COL3A1: variants seen among roughly 807,000 people sequenced by gnomAD.
COL3A1 encodes the protein collagen type III alpha 1 chain.
In COL3A1, 46 loss-of-function variants were observed where a neutral mutation model predicts 200.9. The observed-to-expected ratio is 0.23, with a 90% confidence interval of 0.18 to 0.29. The LOEUF is 0.29. COL3A1 is among the 10% of genes least tolerant of loss of function. COL3A1 has a pLI of 1.00. For missense variants in COL3A1, 1,367 were observed against 1,917.6 expected (o/e 0.71, Z 5.36); for synonymous variants, 650 against 628.0 (o/e 1.03, Z -0.52).
intron 37 of COL3A1, 120 bp downstream of exon 37, chr2:189,003,584 TACA>T: frequency 7.5e-7 from 1 of 1,328,656 alleles, no homozygotes. Flanking sequence ...CGCTCATTCA[TACA>T]TGAGTTATAT....
rs760576512 is a variant in COL3A1, at chr2:188,998,736, T to C, written c.2022+18T>C. 6.2e-7 allele frequency: 1 copy of C among 1,611,272 alleles called. No homozygotes were observed. Among genetic ancestry groups the C allele is most frequent in the African/African-American group, 1.3e-5 (1 of 74,882 alleles). On this transcript the variant is annotated intron_variant, in intron 29 of 50. Coordinates refer to ENST00000304636, the MANE Select transcript of COL3A1 (RefSeq NM_000090.4). ...GAGGCAAGGTAGTATTTCAATTTAT[T>C]CTCTACCTTCTTCAGCAGGTTATAG... is the stretch of plus-strand genomic sequence containing the variant.
intron 1 of COL3A1, among the ~76,000 whole-genome samples, chr2:188,975,917 C>G (rs1478332909): frequency 6.6e-6 from 1 of 151,796 alleles, no homozygotes; most frequent in Non-Finnish European, 1.5e-5. Flanking sequence ...CTACTCCTCT[C>G]TCCTCCTCTG....
Position 188,997,317 on chromosome 2 carries a change from T to C in COL3A1, c.1816-19T>C, listed in dbSNP as rs114299724. 9.9e-3 allele frequency: 16,041 copies of C among 1,613,650 alleles called. 115 individuals are homozygous for C. Among genetic ancestry groups the C allele is most frequent in the Non-Finnish European group, 0.012 (13,727 of 1,179,652 alleles). On this transcript the variant is annotated intron_variant, in intron 25 of 50. Transcript: ENST00000304636. ...GTAATCTGTATTATTTCTACTTCCCTAACTGTTCTTGTTTTTAGGGTCCTC... is the reference window on the plus strand; with the variant it reads ...GTAATCTGTATTATTTCTACTTCCCCAACTGTTCTTGTTTTTAGGGTCCTC...
chr2:188,996,305 T>TATAC (rs1553508208), intron 23 of COL3A1, 93 bp from the exon 24 acceptor site: 33 of 634,190 alleles, frequency 5.2e-5, no homozygotes, highest in Non-Finnish European at 6.1e-5. Context: ...TCTATATATA[T>TATAC]ACACACACAC....
intron 1 of COL3A1, among the ~76,000 whole-genome samples, chr2:188,978,808 C>G (rs957560140): frequency 1.4e-5 from 2 of 145,730 alleles, no homozygotes; most frequent in African/African-American, 5.0e-5. Context: ...ACTCTCCAGA[C>G]TTTTCAAAGG....
Position 189,010,890 on chromosome 2 carries a change from G to A in COL3A1, c.4254G>A (p.Thr1418=), listed in dbSNP as rs587779565. 2 of 1,613,968 alleles carry A rather than the reference G, an allele frequency of 1.2e-6. No homozygotes were observed. The highest frequency in any genetic ancestry group is 1.3e-5 in the African/African-American group (1 of 75,014). The stretch of plus-strand genomic sequence containing the variant: ...ACACAGTTCTGGAGGATGGTTGCAC[G>A]GTAGGAAACATTTTTCTCAATATAG... ...FTYTVLEDGC[T]KHTGEWSKTV... is the part of the protein sequence containing the mutation. The change falls in exon 50 of 51, where the codon ACG becomes ACA. Residue 1418 remains threonine (T), a splice_region_variant and synonymous_variant. Coordinates refer to ENST00000304636, the MANE Select transcript of COL3A1 (RefSeq NM_000090.4).
chr2:188,987,883 TC>T (rs1688096079), intron 5 of COL3A1, among the ~76,000 whole-genome samples, 197 bp from the exon 6 acceptor site: 1 of 152,086 alleles, frequency 6.6e-6, no homozygotes, highest in South Asian at 2.1e-4. Flanking sequence ...TTATATAGAA[TC>T]TGTGAGAATT....
chr2:188,991,410 A>G, intron 11 of COL3A1, 77 bp from the exon 12 acceptor site: 6 of 966,550 alleles, frequency 6.2e-6, no homozygotes, highest in Non-Finnish European at 9.2e-6. Flanking sequence ...AAACTTTTCC[A>G]TAATATTCTG....
At chr2:189,009,479 G>C (rs1180976107) in intron 48 of COL3A1, among the ~76,000 whole-genome samples, 1 of 103,298 alleles carries the variant, frequency 9.7e-6, no homozygotes, top group Non-Finnish European at 1.9e-5. Context: ...TAAGTTATTT[G>C]AGTATAAAGT....
intron 27 of COL3A1, 60 bp from the exon 28 acceptor site, chr2:188,998,205 AG>A: frequency 6.8e-7 from 1 of 1,473,672 alleles, no homozygotes; most frequent in African/African-American, 1.4e-5. Context: ...TGTACATATG[AG>A]AAGCTTTTCT....
rs774786064 is a variant in COL3A1 at position 189,001,463 on chromosome 2, A to C, written c.2337+13A>C. The C allele has an allele frequency of 5.6e-6, 9 of 1,614,094 alleles. No homozygotes were observed. Among genetic ancestry groups the C allele is most frequent in the Non-Finnish European group, 7.6e-6 (9 of 1,179,942 alleles). ...GCCTGGAGATAAGGTAACCCTTAAT[A>C]CTACCTGGATATAAAAAGAAAATGT... On this transcript the variant is annotated intron_variant, in intron 33 of 50. Transcript: ENST00000304636.
intron 13 of COL3A1, 40 bp downstream of exon 13, chr2:188,991,762 G>GT: frequency 6.2e-7 from 1 of 1,607,672 alleles, no homozygotes; most frequent in South Asian, 1.1e-5. Context: ...ACAACCCAAA[G>GT]TGACAGATTT....
chr2:189,006,970 G>T lies in COL3A1; in HGVS notation c.3235G>T (p.Ala1079Ser), dbSNP rs1688599491. The change falls in exon 44 of 51, where the codon GCT (alanine) becomes TCT (serine). Residue 1079 changes from alanine (A) to serine (S), a missense_variant. Coordinates refer to ENST00000304636, the MANE Select transcript of COL3A1 (RefSeq NM_000090.4). ...PAGPAGAPGP[A>S]GSRGAPGPQG... ...TGGCCCTGCTGGTGCTCCCGGTCCT[G>T]CTGGTTCCCGAGGTGCTCCTGTAAG... is the stretch of plus-strand genomic sequence containing the variant. 6.2e-7 allele frequency: 1 copy of T among 1,612,860 alleles called. No individual in the cohort carries two copies. Among genetic ancestry groups the T allele is most frequent in the South Asian group, 1.1e-5 (1 of 91,034 alleles).
chr2:189,006,149 G>A (rs1297946069), intron 41 of COL3A1, 57 bp from the exon 42 acceptor site: 14 of 1,570,484 alleles, frequency 8.9e-6, no homozygotes, highest in Non-Finnish European at 5.3e-6. Context: ...ATGCATGGAT[G>A]AAATGGCATT....
At chr2:189,008,184 A>G in intron 47 of COL3A1, 42 bp downstream of exon 47, 1 of 1,528,284 alleles carries the variant, frequency 6.5e-7, no homozygotes, top group Non-Finnish European at 9.0e-7. Context: ...ATTTGCTACA[A>G]TCTTCCAATT....
intron 3 of COL3A1, 63 bp from the exon 4 acceptor site, chr2:188,985,602 C>T: frequency 2.9e-6 from 3 of 1,039,384 alleles, no homozygotes. Flanking sequence ...AAACAACAAT[C>T]TGATAATGAT....
In COL3A1 at chr2:188,997,702, G is replaced by A. The variant is rs372901096; in HGVS notation, c.1872G>A (p.Gly624=). 1.9e-5 allele frequency: 31 copies of A among 1,613,412 alleles called. No homozygotes were observed. Among genetic ancestry groups the A allele is most frequent in the Non-Finnish European group, 2.0e-5 (24 of 1,179,524 alleles). Residue 624 remains glycine (G), a splice_region_variant and synonymous_variant, in exon 27 of 51, where the codon GGG becomes GGA. Transcript: ENST00000304636. ...TGPQGPPGPT[G]PGGDKGDTGP... is the part of the protein sequence containing the mutation. ...AGTGTATCATTATACTTTTCTAGGG[G>A]CCTGGTGGTGACAAAGGAGACACAG...
At position 188,984,922 on chromosome 2, in the gene COL3A1, T is replaced by C. The variant is rs1576460785; in HGVS notation, c.242T>C (p.Phe81Ser). Residue 81 changes from phenylalanine to serine, a missense_variant, in exon 2 of 51, where the codon TTT (phenylalanine) becomes TCT (serine). Physicochemically the swap from Phe to Ser is radical, Grantham distance 155. Coordinates refer to ENST00000304636, the MANE Select transcript of COL3A1 (RefSeq NM_000090.4). ...ELDCPNPEIPFGECCAVCPQP... is the reference protein window; with the variant it reads ...ELDCPNPEIPSGECCAVCPQP... The stretch of plus-strand genomic sequence containing the variant: ...GACTGCCCCAACCCAGAAATTCCAT[T>C]TGGAGAATGTTGTGCAGTTTGCCCA... 1.2e-6 allele frequency: 2 copies of C among 1,613,128 alleles called. No individual in the cohort carries two copies. Among genetic ancestry groups the C allele is most frequent in the Non-Finnish European group, 1.7e-6 (2 of 1,179,390 alleles).
chr2:189,005,212 C>T, intron 40 of COL3A1, 138 bp from the exon 41 acceptor site: 1 of 799,720 alleles, frequency 1.3e-6, no homozygotes, highest in Non-Finnish European at 2.0e-6. Context: ...TTTCCCATAG[C>T]AGGCATAGTT....
Sources: gnomAD v4.1 joint callset for allele counts (sites outside exome capture counted in the v4.1 genomes callset) on GRCh38, gnomAD v4.1.1 for gene constraint, MANE v1.5 for transcripts, NCBI Gene and HGNC (gene_info 2026-07-23, HGNC 2026-07-21) for gene names.